The following LEMD1 variants were observed in gnomAD, a reference collection of about 807,000 sequenced individuals.
The protein encoded by LEMD1 is LEM domain containing 1.
A neutral mutation model predicts 17.4 loss-of-function variants in LEMD1; 18 were observed. The observed-to-expected ratio is 1.04, with a 90% CI of 0.72 to 1.54. The LOEUF (loss-of-function observed/expected upper bound fraction) is 1.54, where lower values mean the gene tolerates loss of function less well. Among genes scored for constraint, LEMD1 ranks in the 40% most tolerant of loss-of-function variants. The probability of loss-of-function intolerance (pLI) is 0.00; values close to 1 mark genes in which losing one functional copy is unlikely to be tolerated. For missense variants in LEMD1, 195 were observed against 210.4 expected (o/e 0.93, Z 0.45); for synonymous variants, 88 against 77.8 (o/e 1.13, Z -0.69).
chr1:205,394,616 C>T (rs975808114), intron 4 of LEMD1, among the ~76,000 whole-genome samples: 11 of 152,140 alleles, frequency 7.2e-5, no homozygotes, highest in African/African-American at 2.4e-4. Flanking sequence ...AACTTCTGAC[C>T]TCAGGTGATC....
chr1:205,395,412 T>C (rs1413982619), intron 4 of LEMD1, among the ~76,000 whole-genome samples: 1 of 151,870 alleles, frequency 6.6e-6, no homozygotes, highest in Non-Finnish European at 1.5e-5. Flanking sequence ...CTGACCAACA[T>C]GGAGAAACCC....
intron 4 of LEMD1, 106 bp from the exon 5 acceptor site, chr1:205,384,470 T>C: frequency 1.6e-6 from 1 of 631,222 alleles, no homozygotes; most frequent in Non-Finnish European, 2.6e-6. Flanking sequence ...CAAAAGTTCT[T>C]GGCACATTAG....
At position 205,448,151 on chromosome 1, in the gene LEMD1, G is replaced by A. The variant is rs1348960893; in HGVS notation, c.-39+1717C>T. Among the ~76,000 whole-genome samples, 3 of 152,162 alleles carry A rather than the reference G, an allele frequency of 2.0e-5. No homozygotes were observed. Among genetic ancestry groups the A allele is most frequent in the Non-Finnish European group, 4.4e-5 (3 of 68,036 alleles). The stretch of plus-strand genomic sequence containing the variant: ...CAGAGTGAGGAAACAGGGCCAGAAG[G>A]GAAGTGACTGGGCCAAGGTCACACG... On this transcript the variant is annotated intron_variant, in intron 1 of 3. Transcript: ENST00000367154. This position sits in a 1 kb window ranked among gnomAD's most constrained non-coding sequence, Gnocchi z 4.7.
At chr1:205,445,068 G>A (rs1026730455) in intron 1 of LEMD1, among the ~76,000 whole-genome samples, 1 of 152,200 alleles carries the variant, frequency 6.6e-6, no homozygotes, top group Non-Finnish European at 1.5e-5. Flanking sequence ...CACTGCGAAG[G>A]GAAGCAGCTG....
intron 3 of LEMD1, among the ~76,000 whole-genome samples, 197 bp downstream of exon 3, chr1:205,419,033 A>G (rs1043991237): frequency 1.3e-5 from 2 of 152,246 alleles, no homozygotes; most frequent in Non-Finnish European, 2.9e-5. Flanking sequence ...CAGTTAAGTC[A>G]CTGGCGTGAA....
Position 205,448,308 on chromosome 1 carries a change from C to G in LEMD1, c.-39+1560G>C. 1.9e-6 allele frequency: 1 copy of G among 530,806 alleles called. No homozygotes were observed. Among genetic ancestry groups the G allele is most frequent in the Non-Finnish European group, 3.9e-6 (1 of 256,864 alleles). 32.9% of individuals were successfully genotyped at this position (530,806 alleles called of 1,614,324 possible). On this transcript the variant is annotated intron_variant, in intron 1 of 3. Transcript: ENST00000367154. This position sits in a 1 kb window ranked among gnomAD's most constrained non-coding sequence, Gnocchi z 4.7. ...GTGCAGCTGCGCAGGAGAAGGAGCT[C>G]GCCCCTCACTGTAGCCCATGGCTTT...
At chr1:205,404,938 T>C (rs1183577973) in intron 4 of LEMD1, among the ~76,000 whole-genome samples, 1 of 152,194 alleles carries the variant, frequency 6.6e-6, no homozygotes, top group Non-Finnish European at 1.5e-5. Flanking sequence ...CGGTAAAGTA[T>C]TTTATTTCTC....
chr1:205,403,649 C>T (rs546208302), intron 4 of LEMD1, among the ~76,000 whole-genome samples: 2 of 152,150 alleles, frequency 1.3e-5, no homozygotes, highest in Non-Finnish European at 2.9e-5. Context: ...TTTCAAAGAA[C>T]CAGCTCCTGG....
Position 205,441,015 on chromosome 1 carries a change from G to A in LEMD1, c.-39+8853C>T, listed in dbSNP as rs1277126529. On this transcript the variant is annotated intron_variant, in intron 1 of 3. Transcript: ENST00000367154. This position sits in a 1 kb window ranked among gnomAD's most constrained non-coding sequence, Gnocchi z 4.3. ...GGAGACCACAGAAGCAGGCGAAAGT[G>A]AACTGGGGCATGCCCTACGCCAGGC... 2.0e-5 allele frequency: 3 copies of A among 152,470 alleles called. No individual in the cohort carries two copies. The highest frequency in any genetic ancestry group is 2.0e-4 in the Admixed American group (3 of 15,288). The allele number at this position is 152,470 out of a possible 1,614,324, so 9.4% of individuals were successfully genotyped here. A position where few individuals can be genotyped will look rare whatever the true frequency, so the allele number is the denominator to read the frequency against.
intron 4 of LEMD1, among the ~76,000 whole-genome samples, chr1:205,403,192 G>C (rs1310480130): frequency 6.6e-6 from 1 of 152,156 alleles, no homozygotes. Flanking sequence ...CCCGGCTTTG[G>C]TATCAGGATG....
chr1:205,446,002 A>G (rs1666382401), intron 1 of LEMD1, among the ~76,000 whole-genome samples: 1 of 152,198 alleles, frequency 6.6e-6, no homozygotes, highest in African/African-American at 2.4e-5. Context: ...CCACTCTCGC[A>G]AGGGAGGCCT....
chr1:205,410,163 C>G (rs1469266507), intron 4 of LEMD1, among the ~76,000 whole-genome samples: 3 of 151,792 alleles, frequency 2.0e-5, no homozygotes, highest in East Asian at 3.9e-4. Flanking sequence ...CTCAAGTGAT[C>G]CTCCTGCCTC....
chr1:205,390,057 T>TA (rs66828130), intron 4 of LEMD1, among the ~76,000 whole-genome samples: 9,710 of 152,266 alleles, frequency 0.064, 406 homozygotes, highest in East Asian at 0.11. Context: ...TCCTGGTTTT[T>TA]AAAAAATCTT....
chr1:205,406,411 C>A (rs573672886), intron 4 of LEMD1, among the ~76,000 whole-genome samples: 1 of 152,244 alleles, frequency 6.6e-6, no homozygotes, highest in East Asian at 1.9e-4. Flanking sequence ...TGGGCAATGG[C>A]GGGCGCCCCT....
intron 1 of LEMD1, among the ~76,000 whole-genome samples, chr1:205,443,803 G>T (rs567346105): frequency 4.1e-4 from 63 of 152,322 alleles, no homozygotes; most frequent in Non-Finnish European, 7.9e-4. Flanking sequence ...GAAGTGGGGG[G>T]ACATGGGGCA....
intron 4 of LEMD1, among the ~76,000 whole-genome samples, chr1:205,414,305 G>T (rs539608703): frequency 6.6e-6 from 1 of 152,036 alleles, no homozygotes; most frequent in Non-Finnish European, 1.5e-5. Context: ...TATGGAGGCC[G>T]GGCAAGGTGG....
intron 1 of LEMD1, among the ~76,000 whole-genome samples, chr1:205,449,675 CG>C (rs1666461911): frequency 6.6e-6 from 1 of 152,186 alleles, no homozygotes; most frequent in Non-Finnish European, 1.5e-5. Flanking sequence ...AGGCATCCTG[CG>C]GCCTCCCACC....
At chr1:205,404,448 A>G (rs936657920) in intron 4 of LEMD1, among the ~76,000 whole-genome samples, 3 of 152,124 alleles carry the variant, frequency 2.0e-5, no homozygotes, top group African/African-American at 7.2e-5. Context: ...TCCCTTTACC[A>G]TTATGTAATG....
chr1:205,418,322 C>G (rs1665791912), intron 3 of LEMD1, among the ~76,000 whole-genome samples: 1 of 152,146 alleles, frequency 6.6e-6, no homozygotes. Context: ...AGCCCTTCCC[C>G]TAAGATCCCT....
Sources: allele counts gnomAD v4.1 joint callset (sites outside exome capture counted in the v4.1 genomes callset), GRCh38; gene constraint gnomAD v4.1.1; non-coding constraint Gnocchi (gnomAD v3.1); transcripts MANE v1.5; gene names NCBI Gene and HGNC (gene_info 2026-07-23, HGNC 2026-07-21).